The following SGCZ variants were observed in gnomAD, a reference collection of about 807,000 sequenced individuals.
The protein encoded by SGCZ is sarcoglycan zeta.
SGCZ carries 40 observed loss-of-function variants against 41.3 expected under a neutral mutation model. The ratio of observed to expected loss-of-function variants is 0.97; its 90% CI spans 0.75 to 1.26. The LOEUF is 1.26. Among genes scored for constraint, SGCZ ranks in the 50% most tolerant of loss-of-function variants. SGCZ has a pLI of 0.00. For missense variants in SGCZ, 552 were observed against 369.8 expected, an observed-to-expected ratio of 1.49 and a Z score of -4.04; for synonymous variants, 206 against 137.5, an observed-to-expected ratio of 1.50 and a Z score of -3.49.
intron 1 of SGCZ, among the ~76,000 whole-genome samples, chr8:14,559,781 A>G (rs187382537): frequency 6.6e-6 from 1 of 152,240 alleles, no homozygotes; most frequent in South Asian, 2.1e-4. Flanking sequence ...GGAAACGCTG[A>G]TAACGGTAGA....
chr8:14,806,918 TG>T (rs1260952485), intron 1 of SGCZ, among the ~76,000 whole-genome samples: 1 of 151,202 alleles, frequency 6.6e-6, no homozygotes, highest in Non-Finnish European at 1.5e-5. Context: ...GATGCAAGGC[TG>T]GTTCAATATA....
intron 1 of SGCZ, among the ~76,000 whole-genome samples, chr8:14,581,898 C>T (rs551874930): frequency 6.6e-6 from 1 of 152,146 alleles, no homozygotes; most frequent in South Asian, 2.1e-4. Flanking sequence ...CATGGACACA[C>T]TTATAAGCAG....
At chr8:14,124,477 T>C (rs1361713672) in intron 5 of SGCZ, among the ~76,000 whole-genome samples, 1 of 152,212 alleles carries the variant, frequency 6.6e-6, no homozygotes, top group Non-Finnish European at 1.5e-5. Context: ...TCAGCTTGAT[T>C]AATTAATATA....
chr8:14,601,939 T>C (rs1459008540), intron 1 of SGCZ, among the ~76,000 whole-genome samples: 1 of 151,882 alleles, frequency 6.6e-6, no homozygotes, highest in African/African-American at 2.4e-5. Context: ...GCTAACACGG[T>C]GAAACCCCGT....
chr8:14,495,767 C>T (rs1026843866), intron 2 of SGCZ, among the ~76,000 whole-genome samples: 18 of 135,380 alleles, frequency 1.3e-4, no homozygotes, highest in South Asian at 9.2e-4. Flanking sequence ...AATGAGACGA[C>T]GTTAGATAAA....
chr8:14,253,232 G>A (rs1799347029), intron 3 of SGCZ, among the ~76,000 whole-genome samples: 2 of 124,776 alleles, frequency 1.6e-5, no homozygotes, highest in South Asian at 5.0e-4. Context: ...TAAAAAATAA[G>A]TTGTGTGTAG....
At chr8:15,203,634 T>C (rs933473107) in intron 1 of SGCZ, among the ~76,000 whole-genome samples, 3 of 152,210 alleles carry the variant, frequency 2.0e-5, no homozygotes, top group African/African-American at 4.8e-5. Flanking sequence ...CACATGGTTA[T>C]TATAGCAAGT....
chr8:15,200,892 C>G (rs956524533), intron 1 of SGCZ, among the ~76,000 whole-genome samples: 2 of 152,174 alleles, frequency 1.3e-5, no homozygotes, highest in Admixed American at 1.3e-4. Flanking sequence ...GAATTCTAAT[C>G]AAAACTCAAA....
chr8:14,281,812 T>A (rs1800451245), intron 3 of SGCZ, among the ~76,000 whole-genome samples: 2 of 152,104 alleles, frequency 1.3e-5, no homozygotes, highest in Non-Finnish European at 2.9e-5. Flanking sequence ...GAAATATGTG[T>A]ATGTATATCT....
chr8:15,092,248 G>A (rs1806180438), intron 1 of SGCZ, among the ~76,000 whole-genome samples: 1 of 152,048 alleles, frequency 6.6e-6, no homozygotes, highest in African/African-American at 2.4e-5. Flanking sequence ...TTCACTGAAG[G>A]GTTAAGTCTT....
chr8:14,642,724 G>A (rs1807067518), intron 1 of SGCZ, among the ~76,000 whole-genome samples: 1 of 151,268 alleles, frequency 6.6e-6, no homozygotes, highest in Non-Finnish European at 1.5e-5. Context: ...TACTTAATTT[G>A]TTGGTCAGAT....
chr8:14,682,718 G>A (rs1808489680), intron 1 of SGCZ, among the ~76,000 whole-genome samples: 1 of 152,168 alleles, frequency 6.6e-6, no homozygotes. Context: ...ACAGGCGTGA[G>A]CCACCATAAA....
At chr8:14,396,196 T>C (rs1798915012) in intron 2 of SGCZ, among the ~76,000 whole-genome samples, 1 of 152,172 alleles carries the variant, frequency 6.6e-6, no homozygotes, top group African/African-American at 2.4e-5. Context: ...AGTAAATAAC[T>C]CTTATATCTG....
At chr8:14,418,205 G>T (rs535321553) in intron 2 of SGCZ, among the ~76,000 whole-genome samples, 51 of 152,024 alleles carry the variant, frequency 3.4e-4, no homozygotes, top group African/African-American at 1.2e-3. Context: ...TACCACTGAG[G>T]CATTTGTTGT....
At chr8:15,068,599 T>C (rs951117019) in intron 1 of SGCZ, among the ~76,000 whole-genome samples, 1 of 152,188 alleles carries the variant, frequency 6.6e-6, no homozygotes, top group Admixed American at 6.5e-5. Context: ...CAGTTTTACA[T>C]CCATGCTTGC....
At chr8:14,709,800 C>G (rs1809455021) in intron 1 of SGCZ, among the ~76,000 whole-genome samples, 1 of 152,114 alleles carries the variant, frequency 6.6e-6, no homozygotes, top group African/African-American at 2.4e-5. Context: ...TTAAATGTAA[C>G]TAACATTTAT....
At chr8:14,570,140 C>G (rs908244102) in intron 1 of SGCZ, among the ~76,000 whole-genome samples, 1 of 151,922 alleles carries the variant, frequency 6.6e-6, no homozygotes, top group Non-Finnish European at 1.5e-5. Flanking sequence ...ATATGAAGAC[C>G]GGGACTTTGG....
chr8:14,693,964 T>A (rs528934412), intron 1 of SGCZ, among the ~76,000 whole-genome samples: 1 of 152,292 alleles, frequency 6.6e-6, no homozygotes, highest in East Asian at 1.9e-4. Flanking sequence ...AGTTGAGCAG[T>A]TATGACCAAG....
At chr8:14,747,853 C>T (rs1206936235) in intron 1 of SGCZ, among the ~76,000 whole-genome samples, 1 of 149,142 alleles carries the variant, frequency 6.7e-6, no homozygotes, top group Non-Finnish European at 1.5e-5. Context: ...GCTGAGATTA[C>T]AGGCACCCAC....
Sources: gnomAD v4.1 joint callset for allele counts (sites outside exome capture counted in the v4.1 genomes callset) on GRCh38, gnomAD v4.1.1 for gene constraint, MANE v1.5 for transcripts, NCBI Gene and HGNC (gene_info 2026-07-23, HGNC 2026-07-21) for gene names.